The following ZNF608 variants were observed in gnomAD, a reference collection of about 807,000 sequenced individuals.
The protein encoded by ZNF608 is renal carcinoma antigen NY-REN-36.
Under a neutral mutation model 109.0 loss-of-function variants are expected in ZNF608, and 12 were observed. That is an observed-to-expected ratio of 0.11 (90% CI 0.07 to 0.18). The LOEUF (loss-of-function observed/expected upper bound fraction) is 0.18, where lower values mean the gene tolerates loss of function less well. ZNF608 is among the 10% of genes least tolerant of loss of function. The probability of loss-of-function intolerance (pLI) is 1.00; values close to 1 mark genes in which losing one functional copy is unlikely to be tolerated. For missense variants in ZNF608, 1,707 were observed against 1,879.3 expected, an observed-to-expected ratio of 0.91 and a Z score of 1.70; for synonymous variants, 732 against 717.4, an observed-to-expected ratio of 1.02 and a Z score of -0.33.
intron 3 of ZNF608, among the ~76,000 whole-genome samples, chr5:124,667,995 G>A (rs1229366685): frequency 2.6e-5 from 4 of 151,798 alleles, no homozygotes; most frequent in Admixed American, 6.6e-5. Context: ...GACAAGGTAC[G>A]TGAATCACAC....
Position 124,744,023 on chromosome 5 carries a change from C to A in ZNF608, c.906+61G>T. The A allele has an allele frequency of 1.3e-6, 2 of 1,526,734 alleles. No individual in the cohort carries two copies. Among genetic ancestry groups the A allele is most frequent in the South Asian group, 2.6e-5 (2 of 76,246 alleles). 94.6% of individuals were successfully genotyped at this position (1,526,734 alleles called of 1,614,324 possible). ...TAAGGCACACAGAGGCACACCCCCA[C>A]ACACCCACACAAATGCACACAGAGG... On this transcript the variant is annotated intron_variant, in intron 2 of 9. Transcript: ENST00000513986. The surrounding 1 kb of genome is among the most constrained non-coding windows in gnomAD (Gnocchi z 4.5).
chr5:124,708,325 G>A (rs1475371933), intron 2 of ZNF608, among the ~76,000 whole-genome samples: 1 of 152,170 alleles, frequency 6.6e-6, no homozygotes, highest in East Asian at 1.9e-4. Context: ...AGGAAACGTG[G>A]GAAAAGTTAA....
chr5:124,716,185 T>C (rs1395518837), intron 2 of ZNF608, among the ~76,000 whole-genome samples: 1 of 149,700 alleles, frequency 6.7e-6, no homozygotes, highest in African/African-American at 2.4e-5. Flanking sequence ...AACTCTAATA[T>C]AGTTGCTTTA....
intron 2 of ZNF608, among the ~76,000 whole-genome samples, chr5:124,703,153 C>G (rs557971637): frequency 6.6e-6 from 1 of 151,650 alleles, no homozygotes; most frequent in Admixed American, 6.6e-5. Context: ...GACTGCAATT[C>G]GATGTCACAT....
chr5:124,723,428 C>T (rs1305649110), intron 2 of ZNF608, among the ~76,000 whole-genome samples: 2 of 152,162 alleles, frequency 1.3e-5, no homozygotes, highest in Admixed American at 6.5e-5. Flanking sequence ...TGGCTCACCC[C>T]TGTAATCCCA....
At chr5:124,722,203 G>A (rs1331837049) in intron 2 of ZNF608, among the ~76,000 whole-genome samples, 13 of 152,046 alleles carry the variant, frequency 8.6e-5, no homozygotes, top group Admixed American at 4.6e-4. Context: ...TAGAAGAGAT[G>A]ACCTGCATAG....
rs532758728 is a variant in ZNF608 at position 124,673,641 on chromosome 5, A to C, written c.1163-23944T>G. ...TATGTCCTTAAAACAAAAATCATGA[A>C]AACAAAATAGAGTTAAACACAAACC... On this transcript the variant is annotated intron_variant, in intron 3 of 9. Transcript: ENST00000513986. Among the ~76,000 whole-genome samples, 7 of 152,296 alleles carry C rather than the reference A, an allele frequency of 4.6e-5. No homozygotes were observed. In the South Asian group the frequency reaches 1.2e-3, roughly 27 times the overall value.
intron 3 of ZNF608, among the ~76,000 whole-genome samples, chr5:124,668,126 A>G (rs1751556388): frequency 1.3e-5 from 2 of 151,026 alleles, no homozygotes; most frequent in South Asian, 4.2e-4. Context: ...CCGAGGCAGG[A>G]GGATTCACTT....
intron 2 of ZNF608, chr5:124,707,938 C>A (rs1186844852): frequency 6.6e-6 from 1 of 152,232 alleles, no homozygotes; most frequent in Non-Finnish European, 1.5e-5. Context: ...CTTTCAGAAC[C>A]ATGATCAAAG....
chr5:124,678,730 CA>C (rs1752070257), intron 3 of ZNF608, among the ~76,000 whole-genome samples: 2 of 152,274 alleles, frequency 1.3e-5, no homozygotes, highest in Admixed American at 6.5e-5. Context: ...GCCCATGAGC[CA>C]AAAGCTTTCC....
chr5:124,639,332 C>T (rs780091793), intron 8 of ZNF608, 118 bp from the exon 9 acceptor site: 11 of 778,930 alleles, frequency 1.4e-5, no homozygotes, highest in Non-Finnish European at 2.4e-5. Flanking sequence ...TAAACACACA[C>T]ATGAACTGTT....
chr5:124,725,410 G>A (rs1457517534), intron 2 of ZNF608, among the ~76,000 whole-genome samples: 1 of 152,020 alleles, frequency 6.6e-6, no homozygotes. Context: ...AATGTTTGCT[G>A]AGGAAATATT....
intron 3 of ZNF608, among the ~76,000 whole-genome samples, chr5:124,677,024 G>A (rs1212935004): frequency 6.6e-6 from 1 of 152,108 alleles, no homozygotes; most frequent in Non-Finnish European, 1.5e-5. Context: ...TCTAGTGATA[G>A]GAAATATACG....
intron 3 of ZNF608, among the ~76,000 whole-genome samples, chr5:124,659,798 A>G (rs1751170865): frequency 6.6e-6 from 1 of 152,252 alleles, no homozygotes; most frequent in South Asian, 2.1e-4. Context: ...GTAAGGAGAC[A>G]GTGGGAACCA....
At position 124,649,073 on chromosome 5, in the gene ZNF608, T is replaced by C. The variant is rs752908242; in HGVS notation, c.1311A>G (p.Arg437=). Reference sequence around the variant, plus strand: ...CCGGGGCAGCAGCAGCAGACCTCGCTCTCTTCCCTCTGCCCCGGCCCCCTC... The same window carrying C: ...CCGGGGCAGCAGCAGCAGACCTCGCCCTCTTCCCTCTGCCCCGGCCCCCTC... ...EMRGGRGRGK[R]ARSAAAAPGS... is the part of the protein sequence containing the mutation. Residue 437 remains arginine (R), a synonymous_variant, in exon 5 of 10, where the codon AGA becomes AGG. Coordinates refer to ENST00000513986, the MANE Select transcript of ZNF608 (RefSeq NM_020747.3). 11 of 1,612,200 alleles carry C rather than the reference T, an allele frequency of 6.8e-6. No homozygotes were observed. The East Asian group carries it at 2.2e-4, about 33-fold the overall frequency.
chr5:124,649,819 G>A (rs562454416), intron 3 of ZNF608, 122 bp from the exon 4 acceptor site: 52 of 597,278 alleles, frequency 8.7e-5, no homozygotes, highest in African/African-American at 8.1e-4. Flanking sequence ...GCTTTTAAAA[G>A]CTGTGGTTTG....
intron 3 of ZNF608, among the ~76,000 whole-genome samples, chr5:124,680,259 T>C (rs1265687898): frequency 1.3e-5 from 2 of 151,790 alleles, no homozygotes; most frequent in Non-Finnish European, 2.9e-5. Flanking sequence ...TTTCAGGTCA[T>C]GGAATAAATA....
intron 3 of ZNF608, among the ~76,000 whole-genome samples, chr5:124,658,860 G>A (rs919901216): frequency 6.6e-6 from 1 of 152,156 alleles, no homozygotes; most frequent in East Asian, 1.9e-4. Flanking sequence ...GTTTGGGAAA[G>A]GTATTTTGTA....
intron 3 of ZNF608, among the ~76,000 whole-genome samples, chr5:124,663,864 C>T (rs1025038391): frequency 5.3e-5 from 8 of 152,100 alleles, no homozygotes; most frequent in African/African-American, 9.7e-5. Flanking sequence ...TCTCCTGGTG[C>T]GGCCGATTAC....
Sources: gnomAD v4.1 joint callset for allele counts (sites outside exome capture counted in the v4.1 genomes callset) on GRCh38, gnomAD v4.1.1 for gene constraint, Gnocchi (gnomAD v3.1) non-coding constraint, MANE v1.5 for transcripts, NCBI Gene and HGNC (gene_info 2026-07-23, HGNC 2026-07-21) for gene names.